PIK3CB: variants seen among roughly 807,000 people sequenced by gnomAD.
PIK3CB encodes phosphatidylinositol 4,5-bisphosphate 3-kinase catalytic subunit beta isoform.
In PIK3CB, 39 loss-of-function variants were observed where a neutral mutation model predicts 136.8. The ratio of observed to expected loss-of-function variants is 0.29; its 90% CI spans 0.22 to 0.37. The LOEUF is 0.37. Ranked by LOEUF, PIK3CB falls within the 10% of genes least tolerant of loss-of-function variation. The pLI is 1.00. For synonymous variants in PIK3CB, 428 were observed against 436.6 expected (o/e 0.98, Z 0.25); for missense variants, 868 against 1,275.4 (o/e 0.68, Z 4.87).
intron 14 of PIK3CB, among the ~76,000 whole-genome samples, chr3:138,693,547 G>A (rs548614691): frequency 1.3e-5 from 2 of 151,460 alleles, no homozygotes; most frequent in South Asian, 4.2e-4. Flanking sequence ...TACAGGCACC[G>A]GCCACCACGC....
chr3:138,699,962 G>A (rs2044214554), intron 12 of PIK3CB, among the ~76,000 whole-genome samples: 1 of 152,100 alleles, frequency 6.6e-6, no homozygotes, highest in Non-Finnish European at 1.5e-5. Flanking sequence ...AGCACTTTGT[G>A]AGGCTAAGGC....
At chr3:138,748,953 T>A (rs1390090471) in intron 4 of PIK3CB, among the ~76,000 whole-genome samples, 2 of 152,172 alleles carry the variant, frequency 1.3e-5, no homozygotes, top group East Asian at 3.8e-4. Flanking sequence ...AAACAATAGT[T>A]GTTATTTCAA....
intron 8 of PIK3CB, among the ~76,000 whole-genome samples, chr3:138,729,918 A>C (rs887314241): frequency 1.3e-5 from 2 of 152,152 alleles, no homozygotes; most frequent in African/African-American, 4.8e-5. Flanking sequence ...TTCTATTTGA[A>C]ATTGTACTGG....
intron 2 of PIK3CB, among the ~76,000 whole-genome samples, chr3:138,786,175 CAG>C (rs1315443752): frequency 6.6e-6 from 1 of 152,192 alleles, no homozygotes; most frequent in African/African-American, 2.4e-5. Flanking sequence ...TTAAAGAAAA[CAG>C]TCTCTCCTGG....
chr3:138,688,929 G>A lies in PIK3CB; in HGVS notation c.2082C>T (p.Ile694=), dbSNP rs1252041295. 2 of 1,613,742 alleles carry A rather than the reference G, an allele frequency of 1.2e-6. No homozygotes were observed. Among genetic ancestry groups the A allele is most frequent in the East Asian group, 2.2e-5 (1 of 44,886 alleles). ...CACTTCCCCGGCAGTATGCTTCAAG[G>A]ATGACACCAAATTGTACTGAGACAG... ...IPAVSVQFGV[I]LEAYCRGSVG... The change falls in exon 16 of 24, where the codon ATC becomes ATT. Residue 694 remains isoleucine, a synonymous_variant. Transcript: ENST00000674063.
At chr3:138,695,761 T>C (rs1469185377) in intron 13 of PIK3CB, among the ~76,000 whole-genome samples, 1 of 151,974 alleles carries the variant, frequency 6.6e-6, no homozygotes, top group African/African-American at 2.4e-5. Context: ...TGTTAACTTT[T>C]TTCTGAGACA....
intron 1 of PIK3CB, among the ~76,000 whole-genome samples, chr3:138,818,459 T>C (rs2108892818): frequency 6.6e-6 from 1 of 152,348 alleles, no homozygotes; most frequent in African/African-American, 2.4e-5. Context: ...TTTAACTATA[T>C]GCTCTTTAAT....
chr3:138,663,963 A>G lies in PIK3CB; in HGVS notation c.2739T>C (p.Tyr913=). The change falls in exon 21 of 24, where the codon TAT becomes TAC. Residue 913 remains tyrosine (Y), a synonymous_variant. Transcript: ENST00000674063. ...TATGTCTGTCACCAATCCCAAGGACATAAGAAGCTACACAGTAGCCAGCAC... is the reference window on the plus strand; with the variant it reads ...TATGTCTGTCACCAATCCCAAGGACGTAAGAAGCTACACAGTAGCCAGCAC... ...LSCAGYCVAS[Y]VLGIGDRHSD... 2.5e-6 allele frequency: 4 copies of G among 1,614,146 alleles called. No individual in the cohort carries two copies. The South Asian group carries it at 4.4e-5, about 18-fold the overall frequency.
chr3:138,776,452 G>C (rs2108776364), intron 2 of PIK3CB, among the ~76,000 whole-genome samples: 1 of 152,236 alleles, frequency 6.6e-6, no homozygotes, highest in Admixed American at 6.5e-5. Context: ...TACTGTGAGA[G>C]GGCGAGGCAG....
At chr3:138,773,277 C>T (rs2045821162) in intron 2 of PIK3CB, among the ~76,000 whole-genome samples, 1 of 151,782 alleles carries the variant, frequency 6.6e-6, no homozygotes, top group African/African-American at 2.4e-5. Context: ...CAGGCGCCCA[C>T]CTACTTGGGA....
intron 19 of PIK3CB, among the ~76,000 whole-genome samples, chr3:138,669,145 C>T (rs143743455): frequency 6.6e-6 from 1 of 152,136 alleles, no homozygotes; most frequent in Non-Finnish European, 1.5e-5. Context: ...GGTGCGGTGG[C>T]TCACGCCTGT....
chr3:138,742,500 A>G, intron 5 of PIK3CB, 58 bp downstream of exon 5: 1 of 820,030 alleles, frequency 1.2e-6, no homozygotes, highest in Admixed American at 2.3e-5. Flanking sequence ...ATGCAGTTGT[A>G]TTCGGGTAAA....
intron 4 of PIK3CB, among the ~76,000 whole-genome samples, chr3:138,746,850 C>T (rs2045363866): frequency 6.6e-6 from 1 of 150,608 alleles, no homozygotes; most frequent in African/African-American, 2.4e-5. Flanking sequence ...ATCCTGCACC[C>T]ACATACAAGC....
In PIK3CB at chr3:138,737,847, T is replaced by G. The variant is rs778911189; in HGVS notation, c.661A>C (p.Ile221Leu). Residue 221 changes from isoleucine (I) to leucine (L), a missense_variant, in exon 6 of 24, where the codon ATC (isoleucine) becomes CTC (leucine). This residue lies in a region of PIK3CB where 612 missense variants were observed against 801.1 expected (regional missense o/e 0.76). Coordinates refer to ENST00000674063, the MANE Select transcript of PIK3CB (RefSeq NM_006219.3). ...TGGATTGCCAATTCATTTACTTTGA[T>G]AGGATTCATATTAGGAGACACTTGA... is the stretch of plus-strand genomic sequence containing the variant. ...SFQVSPNMNP[I>L]KVNELAIQKR... is the part of the protein sequence containing the mutation. 1 of 1,607,722 alleles carries G rather than the reference T, an allele frequency of 6.2e-7. No individual in the cohort carries two copies. The highest frequency in any genetic ancestry group is 8.5e-7 in the Non-Finnish European group (1 of 1,176,586).
chr3:138,687,811 A>T (rs1362652584), intron 16 of PIK3CB, among the ~76,000 whole-genome samples: 1 of 152,086 alleles, frequency 6.6e-6, no homozygotes, highest in African/African-American at 2.4e-5. Context: ...GTTGGGGGAG[A>T]TGTAGGAAGG....
chr3:138,730,778 A>G (rs80066336), intron 8 of PIK3CB, among the ~76,000 whole-genome samples: 1 of 152,040 alleles, frequency 6.6e-6, no homozygotes, highest in Non-Finnish European at 1.5e-5. Context: ...AAATAAAAAT[A>G]AAAATTAGCT....
intron 13 of PIK3CB, among the ~76,000 whole-genome samples, chr3:138,696,531 C>T (rs1559821967): frequency 6.6e-6 from 1 of 152,064 alleles, no homozygotes; most frequent in Non-Finnish European, 1.5e-5. Context: ...ATTCTTAACC[C>T]TATATTGAAT....
At chr3:138,723,935 T>C (rs577116079) in intron 8 of PIK3CB, among the ~76,000 whole-genome samples, 1 of 152,298 alleles carries the variant, frequency 6.6e-6, no homozygotes, top group African/African-American at 2.4e-5. Context: ...CCAGCCTTGA[T>C]CATTTGTAAA....
chr3:138,699,120 A>C (rs1375805752), intron 12 of PIK3CB, 25 bp from the exon 13 acceptor site: 1 of 1,357,954 alleles, frequency 7.4e-7, no homozygotes, highest in Non-Finnish European at 1.0e-6. Flanking sequence ...TGCTCATTAT[A>C]GAATTTAATT....
Sources: allele counts gnomAD v4.1 joint callset (sites outside exome capture counted in the v4.1 genomes callset), GRCh38; gene constraint gnomAD v4.1.1; regional missense constraint gnomAD v4.1.1; transcripts MANE v1.5; gene names NCBI Gene and HGNC (gene_info 2026-07-23, HGNC 2026-07-21).